Variants in ZIM2 observed in about 807,000 individuals in gnomAD.
The protein encoded by ZIM2 is zinc finger imprinted 2.
A neutral mutation model predicts 38.6 loss-of-function variants in ZIM2; 14 were observed. The observed-to-expected ratio is 0.36, with a 90% confidence interval of 0.24 to 0.57. The LOEUF (loss-of-function observed/expected upper bound fraction) is 0.57. Among genes scored for constraint, ZIM2 ranks in the 20% least tolerant of loss-of-function variants. ZIM2 has a pLI of 0.81. For missense variants in ZIM2, 680 were observed against 695.1 expected (o/e 0.98, Z 0.24); for synonymous variants, 247 against 245.8 (o/e 1.00, Z -0.04).
Position 56,822,788 on chromosome 19 carries a change from C to T in ZIM2, c.155G>A (p.Arg52Gln), listed in dbSNP as rs201188230. 579 of 1,613,984 alleles carry T rather than the reference C, an allele frequency of 3.6e-4. No homozygotes were observed. The highest frequency in any genetic ancestry group is 3.6e-4 in the Non-Finnish European group (422 of 1,180,022). ...GTTCCTGGTGTGGGACCAGCGGTCTCGTGGCTCCATGTCTCTGCTTCTGCC... is the reference window on the plus strand; with the variant it reads ...GTTCCTGGTGTGGGACCAGCGGTCTTGTGGCTCCATGTCTCTGCTTCTGCC... Reference protein sequence around the residue: ...RRGRSRDMEPRDRWSHTRNPR... With the variant: ...RRGRSRDMEPQDRWSHTRNPR... The change falls in exon 6 of 13, where the codon CGA becomes CAA. Residue 52 changes from arginine to glutamine, a missense_variant. Arg to Gln is a conservative substitution (Grantham distance 43). Transcript: ENST00000629319.
At position 56,814,718 on chromosome 19, in the gene ZIM2, C is replaced by T. The variant is rs150101339; in HGVS notation, c.490+3028G>A. 5.0e-6 allele frequency: 8 copies of T among 1,613,880 alleles called. No individual in the cohort carries two copies. In the African/African-American group the frequency reaches 5.3e-5, roughly 11 times the overall value. ...TCTTCCCTATGAAGTCTCATATGCT[C>T]ATTAAGGGCAGAGCTATGAATGAAG... is the stretch of plus-strand genomic sequence containing the variant. On this transcript the variant is annotated intron_variant, in intron 9 of 12. Transcript: ENST00000629319. The surrounding 1 kb of genome is among the most constrained non-coding windows in gnomAD (Gnocchi z 5.8).
chr19:56,811,754 G>A lies in ZIM2; in HGVS notation c.490+5992C>T, dbSNP rs2059557322. On this transcript the variant is annotated intron_variant, in intron 9 of 12. Transcript: ENST00000629319. ...TTCCAACCTCAGTCCTTCCTATGCA[G>A]CCAGCCCTCACCTACACCATACCAT... 9.1e-6 allele frequency: 9 copies of A among 985,508 alleles called. No individual in the cohort carries two copies. The South Asian group carries it at 4.2e-4, about 46-fold the overall frequency. 61.0% of individuals were successfully genotyped at this position (985,508 alleles called of 1,614,324 possible).
chr19:56,817,197 G>C, intron 9 of ZIM2: 1 of 1,614,142 alleles, frequency 6.2e-7, no homozygotes, highest in South Asian at 1.1e-5. Context: ...CACATTCAAA[G>C]GGCTTCTTCC....
chr19:56,783,788 C>A (rs377763716), intron 10 of ZIM2, among the ~76,000 whole-genome samples: 1 of 152,126 alleles, frequency 6.6e-6, no homozygotes, highest in Non-Finnish European at 1.5e-5. Flanking sequence ...GTGCAATACA[C>A]CTTTGTAACA....
intron 9 of ZIM2, among the ~76,000 whole-genome samples, chr19:56,804,461 G>C (rs758158089): frequency 1.3e-5 from 2 of 152,168 alleles, no homozygotes; most frequent in East Asian, 1.9e-4. Context: ...CCTGGAGACC[G>C]CAGTCTTCAG....
chr19:56,818,881 T>A (rs2060221952), intron 7 of ZIM2, among the ~76,000 whole-genome samples, 179 bp from the exon 8 acceptor site: 1 of 152,224 alleles, frequency 6.6e-6, no homozygotes, highest in South Asian at 2.1e-4. Flanking sequence ...CCTACCTTGG[T>A]GCTACACTCT....
chr19:56,776,402 C>G (rs1457645007), intron 12 of ZIM2, among the ~76,000 whole-genome samples: 1 of 152,070 alleles, frequency 6.6e-6, no homozygotes, highest in African/African-American at 2.4e-5. Context: ...CTGTAGGATT[C>G]AGAACTTTTA....
intron 9 of ZIM2, chr19:56,812,897 C>T (rs1447126971): frequency 1.0e-6 from 1 of 984,656 alleles, no homozygotes; most frequent in Non-Finnish European, 1.2e-6. Context: ...CATGTGGCAA[C>T]CAATCAATCT....
rs1433334300 is a variant in ZIM2, at chr19:56,836,738, G to GTGA, written c.-313-635_-313-634insTCA. On this transcript the variant is annotated intron_variant, in intron 1 of 12. Coordinates refer to ENST00000629319, the MANE Select transcript of ZIM2 (RefSeq NM_001387356.1). ...AATCCCAGCACTTTGGGAGGCCAAG[G>GTGA]CGGGCAGATCACCTGAGGTCAGGAG... 3.3e-5 allele frequency among the ~76,000 whole-genome samples: 5 copies of GTGA among 152,186 alleles called. 1 individual carries two copies. The highest frequency in any genetic ancestry group is 2.0e-4 in the Admixed American group (3 of 15,280).
intron 12 of ZIM2, among the ~76,000 whole-genome samples, chr19:56,776,259 G>T (rs2046003689): frequency 6.6e-6 from 1 of 152,158 alleles, no homozygotes. Context: ...GTTGGGGTTT[G>T]TCAGCATTTT....
chr19:56,822,919 A>G (rs1039011757), intron 5 of ZIM2, 83 bp from the exon 6 acceptor site: 4 of 1,524,568 alleles, frequency 2.6e-6, no homozygotes, highest in Non-Finnish European at 3.6e-6. Flanking sequence ...ACCCCTCTGG[A>G]AAGAGATGCT....
chr19:56,815,917 T>G (rs112514758), intron 9 of ZIM2: 2 of 1,610,722 alleles, frequency 1.2e-6, no homozygotes, highest in Admixed American at 3.3e-5. Context: ...TCTTGGAGGT[T>G]TGGAAGCCAC....
intron 11 of ZIM2, 49 bp from the exon 12 acceptor site, chr19:56,779,521 T>C (rs1271610553): frequency 1.9e-6 from 3 of 1,564,682 alleles, no homozygotes; most frequent in Middle Eastern, 1.7e-4. Context: ...ACTCCCAACC[T>C]TAGGTCCCAA....
At chr19:56,819,489 G>A (rs1272481563) in intron 7 of ZIM2, among the ~76,000 whole-genome samples, 1 of 152,204 alleles carries the variant, frequency 6.6e-6, no homozygotes, top group Non-Finnish European at 1.5e-5. Context: ...TGGTTTCAGG[G>A]AGTCATGGTC....
chr19:56,822,101 T>C (rs1173582566), intron 6 of ZIM2, among the ~76,000 whole-genome samples: 1 of 152,148 alleles, frequency 6.6e-6, no homozygotes, highest in African/African-American at 2.4e-5. Flanking sequence ...GACAGGGAGA[T>C]GGCATCAGAG....
intron 10 of ZIM2, among the ~76,000 whole-genome samples, chr19:56,788,586 C>T (rs1444873833): frequency 6.6e-6 from 1 of 152,032 alleles, no homozygotes. Flanking sequence ...ACATTTTTTC[C>T]TTCATTTTAA....
At chr19:56,835,331 C>T (rs1188070979) in intron 2 of ZIM2, among the ~76,000 whole-genome samples, 1 of 152,218 alleles carries the variant, frequency 6.6e-6, no homozygotes, top group Non-Finnish European at 1.5e-5. Flanking sequence ...GAAACCACAA[C>T]TTACCTTCTT....
intron 9 of ZIM2, among the ~76,000 whole-genome samples, chr19:56,805,423 A>G (rs2080965414): frequency 6.6e-6 from 1 of 152,204 alleles, no homozygotes; most frequent in Non-Finnish European, 1.5e-5. Flanking sequence ...TCTGCAGTAG[A>G]CATGTGACCC....
At chr19:56,811,765 C>T in intron 9 of ZIM2, 5 of 985,562 alleles carry the variant, frequency 5.1e-6, no homozygotes, top group Non-Finnish European at 6.0e-6. Flanking sequence ...CCAGCCCTCA[C>T]CTACACCATA....
Sources: gnomAD v4.1 joint callset for allele counts (sites outside exome capture counted in the v4.1 genomes callset) on GRCh38, gnomAD v4.1.1 for gene constraint, Gnocchi (gnomAD v3.1) non-coding constraint, MANE v1.5 for transcripts, NCBI Gene and HGNC (gene_info 2026-07-23, HGNC 2026-07-21) for gene names.